Variants in TMEM51 observed in about 807,000 individuals in gnomAD.
TMEM51 encodes the protein transmembrane protein 51.
A neutral mutation model predicts 13.6 loss-of-function variants in TMEM51; 8 were observed. That is an observed-to-expected ratio of 0.59 (90% CI 0.35 to 1.07). The LOEUF (loss-of-function observed/expected upper bound fraction) is 1.07. TMEM51 is among the 50% of genes least tolerant of loss of function. TMEM51 has a pLI of 0.02. For missense variants in TMEM51, 279 were observed against 330.7 expected, an observed-to-expected ratio of 0.84 and a Z score of 1.21; for synonymous variants, 147 against 144.4, an observed-to-expected ratio of 1.02 and a Z score of -0.13.
At chr1:15,157,818 C>T (rs931029197) in intron 1 of TMEM51, among the ~76,000 whole-genome samples, 2 of 152,214 alleles carry the variant, frequency 1.3e-5, no homozygotes, top group Admixed American at 1.3e-4. Flanking sequence ...AAGTTGTCTT[C>T]GTCCACAGAT....
At position 15,215,255 on chromosome 1, in the gene TMEM51, C is replaced by T; in HGVS notation, c.168C>T (p.Gly56=). ...GCAACAAGACCGAGGTGGGTGGCGGCATCCTCAAGAGCAAGACCTTCTCTG... is the reference window on the plus strand; with the variant it reads ...GCAACAAGACCGAGGTGGGTGGCGGTATCCTCAAGAGCAAGACCTTCTCTG... ...QGSNKTEVGG[G]ILKSKTFSVA... is the part of the protein sequence containing the mutation. Residue 56 remains glycine, a synonymous_variant, in exon 3 of 4, where the codon GGC becomes GGT. Transcript: ENST00000376008. 1 of 1,614,250 alleles carries T rather than the reference C, an allele frequency of 6.2e-7. No homozygotes were observed.
intron 1 of TMEM51, among the ~76,000 whole-genome samples, chr1:15,176,345 C>T (rs924707859): frequency 2.0e-5 from 3 of 152,114 alleles, no homozygotes; most frequent in Non-Finnish European, 4.4e-5. Flanking sequence ...AGAGAGAAAG[C>T]GGGAATGAAA....
chr1:15,154,253 G>C (rs1427724844), intron 1 of TMEM51, among the ~76,000 whole-genome samples: 1 of 152,228 alleles, frequency 6.6e-6, no homozygotes, highest in Non-Finnish European at 1.5e-5. Flanking sequence ...GGTGCTATCC[G>C]CCCGGCGGGC....
At chr1:15,191,771 T>G (rs998473839) in intron 1 of TMEM51, 1 of 320,866 alleles carries the variant, frequency 3.1e-6, no homozygotes, top group African/African-American at 2.2e-5. Context: ...TTTGCAAATC[T>G]TTTTATTTCC....
intron 1 of TMEM51, among the ~76,000 whole-genome samples, chr1:15,155,289 G>T (rs1642551833): frequency 6.6e-6 from 1 of 152,172 alleles, no homozygotes; most frequent in Non-Finnish European, 1.5e-5. Context: ...GCCTCAGGGA[G>T]CCCCCAGCCT....
chr1:15,180,910 C>T (rs994955720), intron 1 of TMEM51, among the ~76,000 whole-genome samples: 1 of 152,204 alleles, frequency 6.6e-6, no homozygotes, highest in African/African-American at 2.4e-5. Context: ...GGGATTGAAA[C>T]TTGGGTCTGC....
intron 1 of TMEM51, among the ~76,000 whole-genome samples, chr1:15,156,148 G>C (rs893127172): frequency 6.6e-6 from 1 of 152,180 alleles, no homozygotes; most frequent in Non-Finnish European, 1.5e-5. Flanking sequence ...CTGCCAGAGA[G>C]AAGTAGTGAG....
chr1:15,184,836 A>G (rs1466025453), intron 1 of TMEM51, among the ~76,000 whole-genome samples: 1 of 108,486 alleles, frequency 9.2e-6, no homozygotes, highest in East Asian at 3.0e-4. Flanking sequence ...ACATTTGGCA[A>G]TGTCTAGAGA....
In TMEM51 at chr1:15,219,736, C is replaced by T; in HGVS notation, c.755C>T (p.Pro252Leu). ...VQEKAPDTRP[P>L]D is the part of the protein sequence containing the mutation. ...GAGAAGGCCCCCGACACCCGGCCGC[C>T]CGACTGAATGGCCCCACTTGAGCCA... The change falls in exon 4 of 4, where the codon CCC becomes CTC. Residue 252 changes from proline (P) to leucine (L), a missense_variant. Physicochemically the swap from Pro to Leu is moderately conservative, Grantham distance 98. Coordinates refer to ENST00000376008, the MANE Select transcript of TMEM51 (RefSeq NM_001136218.2). 1 of 1,612,742 alleles carries T rather than the reference C, an allele frequency of 6.2e-7. No individual in the cohort carries two copies. Among genetic ancestry groups the T allele is most frequent in the Non-Finnish European group, 8.5e-7 (1 of 1,179,486 alleles).
intron 1 of TMEM51, among the ~76,000 whole-genome samples, chr1:15,203,668 C>T (rs1644199259): frequency 6.6e-6 from 1 of 152,214 alleles, no homozygotes; most frequent in Admixed American, 6.5e-5. Flanking sequence ...GGCCTTCTGT[C>T]TGTTTTGATT....
At chr1:15,158,934 A>G (rs972611811) in intron 1 of TMEM51, among the ~76,000 whole-genome samples, 9 of 152,120 alleles carry the variant, frequency 5.9e-5, no homozygotes, top group African/African-American at 1.7e-4. Context: ...CCTTAGTAAA[A>G]CTTTCAGTTA....
intron 1 of TMEM51, among the ~76,000 whole-genome samples, chr1:15,163,032 C>T (rs1390067474): frequency 6.6e-6 from 1 of 151,942 alleles, no homozygotes; most frequent in African/African-American, 2.4e-5. Flanking sequence ...TGCATTTTAT[C>T]ACACTAAAAA....
chr1:15,155,885 G>C (rs958925355), intron 1 of TMEM51, among the ~76,000 whole-genome samples: 1 of 152,172 alleles, frequency 6.6e-6, no homozygotes, highest in South Asian at 2.1e-4. Flanking sequence ...CTCTAAGCAG[G>C]GAAGTCGTCT....
chr1:15,188,766 G>A (rs929336874), intron 1 of TMEM51, among the ~76,000 whole-genome samples: 9 of 152,210 alleles, frequency 5.9e-5, no homozygotes, highest in Admixed American at 3.3e-4. Context: ...TGCCATTGCC[G>A]TGTCCCCCAG....
At chr1:15,197,477 G>C (rs777694488) in intron 1 of TMEM51, among the ~76,000 whole-genome samples, 5 of 152,076 alleles carry the variant, frequency 3.3e-5, no homozygotes, top group Admixed American at 2.6e-4. Context: ...GGGCTTCCCG[G>C]CCTCTCTGAC....
chr1:15,173,500 C>T (rs1213793320), intron 1 of TMEM51, among the ~76,000 whole-genome samples: 2 of 151,956 alleles, frequency 1.3e-5, no homozygotes, highest in Non-Finnish European at 2.9e-5. Flanking sequence ...GGATTACAGG[C>T]GTGAGCTACT....
At chr1:15,203,379 C>T (rs1433818788) in intron 1 of TMEM51, among the ~76,000 whole-genome samples, 3 of 152,012 alleles carry the variant, frequency 2.0e-5, no homozygotes, top group Non-Finnish European at 2.9e-5. Flanking sequence ...CTCAGCCTCC[C>T]GAGTAGCTGG....
intron 1 of TMEM51, among the ~76,000 whole-genome samples, chr1:15,200,233 C>T (rs1644127975): frequency 6.6e-6 from 1 of 151,780 alleles, no homozygotes; most frequent in African/African-American, 2.4e-5. Context: ...CTGGGCCATA[C>T]TGGGAGACTC....
intron 1 of TMEM51, among the ~76,000 whole-genome samples, chr1:15,182,449 T>TGTG (rs1254798650): frequency 6.6e-6 from 1 of 151,924 alleles, no homozygotes; most frequent in Non-Finnish European, 1.5e-5. Context: ...ATCATCAGTA[T>TGTG]ACCAGGACCA....
Sources: allele counts gnomAD v4.1 joint callset (sites outside exome capture counted in the v4.1 genomes callset), GRCh38; gene constraint gnomAD v4.1.1; transcripts MANE v1.5; gene names NCBI Gene and HGNC (gene_info 2026-07-23, HGNC 2026-07-21).